Variants in CARD18 observed in about 807,000 individuals in gnomAD.
The protein encoded by CARD18 is caspase recruitment domain-containing protein 18.
CARD18 carries 7 observed loss-of-function variants against 7.9 expected under a neutral mutation model. The observed-to-expected ratio is 0.88, with a 90% CI of 0.50 to 1.66. CARD18 has a LOEUF of 1.66. CARD18 is among the 40% of genes most tolerant of loss of function. CARD18 has a pLI of 0.00. For missense variants in CARD18, 134 were observed against 105.5 expected, an observed-to-expected ratio of 1.27 and a Z score of -1.18; for synonymous variants, 34 against 34.8, an observed-to-expected ratio of 0.98 and a Z score of 0.08.
intron 1 of CARD18, chr11:105,139,459 A>T (rs904299134): frequency 9.0e-6 from 5 of 556,962 alleles, no homozygotes; most frequent in African/African-American, 7.5e-5. Flanking sequence ...CTCATCCTGA[A>T]CTACATAACT....
Position 105,138,533 on chromosome 11 carries a change from A to G in CARD18, c.*1+279T>C, listed in dbSNP as rs1865433963. ...CCAGGACCATTAAAAGATTCAGGAT[A>G]AAACATCTAGGCTCTTTAAATGAAC... On this transcript the variant is annotated intron_variant, in intron 2 of 2. Coordinates refer to ENST00000530950, the MANE Select transcript of CARD18 (RefSeq NM_021571.4). Among the ~76,000 whole-genome samples, 4 of 152,136 alleles carry G rather than the reference A, an allele frequency of 2.6e-5. No individual in the cohort carries two copies. In the South Asian group the frequency reaches 8.3e-4, roughly 32 times the overall value.
intron 1 of CARD18, 121 bp from the exon 2 acceptor site, chr11:105,139,199 G>A: frequency 2.7e-6 from 3 of 1,098,448 alleles, no homozygotes; most frequent in Non-Finnish European, 3.9e-6. Context: ...CCAAGGAACG[G>A]TCTTATACCT....
intron 2 of CARD18, among the ~76,000 whole-genome samples, chr11:105,138,377 A>G (rs549458779): frequency 6.6e-6 from 1 of 152,302 alleles, no homozygotes; most frequent in East Asian, 1.9e-4. Flanking sequence ...ATCATTGTAT[A>G]TTCTGAAAAG....
chr11:105,139,284 G>A, intron 1 of CARD18: 1 of 580,138 alleles, frequency 1.7e-6, no homozygotes, highest in African/African-American at 1.9e-5. Context: ...TGGGAAACTT[G>A]ACTTCATGAT....
chr11:105,138,986 C>A lies in CARD18; in HGVS notation c.100G>T (p.Val34Phe). The change falls in exon 2 of 3, where the codon GTT becomes TTT. Residue 34 changes from valine (V) to phenylalanine (F), a missense_variant. Transcript: ENST00000530950. ...ALLDCLLEDE[V>F]ISQEDMNKVR... Reference sequence around the variant, plus strand: ...TTGTTCATGTCTTCCTGGCTAATAACTTCATCCTCTAATAGGCAATCCAGC... The same window carrying A: ...TTGTTCATGTCTTCCTGGCTAATAAATTCATCCTCTAATAGGCAATCCAGC... 6.2e-7 allele frequency: 1 copy of A among 1,613,640 alleles called. No homozygotes were observed. Among genetic ancestry groups the A allele is most frequent in the Non-Finnish European group, 8.5e-7 (1 of 1,179,704 alleles).
rs149496153 is a variant in CARD18 at position 105,138,862 on chromosome 11, T to C, written c.224A>G (p.His75Arg). Residue 75 changes from histidine (H) to arginine (R), a missense_variant, in exon 2 of 3, where the codon CAT (histidine) becomes CGT (arginine). Coordinates refer to ENST00000530950, the MANE Select transcript of CARD18 (RefSeq NM_021571.4). ...AAGTTGAGGGTCTTCTTCACAGAGATGCTTGATAAATTTGCAGCAAGACTT... is the reference window on the plus strand; with the variant it reads ...AAGTTGAGGGTCTTCTTCACAGAGACGCTTGATAAATTTGCAGCAAGACTT... ...GPKSCCKFIK[H>R]LCEEDPQLAS... The C allele has an allele frequency of 1.4e-3, 2,213 of 1,613,696 alleles. 27 individuals are homozygous for C. The African/African-American group carries it at 0.024, about 18-fold the overall frequency.
chr11:105,138,287 T>C (rs1216079098), intron 2 of CARD18, among the ~76,000 whole-genome samples, 189 bp from the exon 3 acceptor site: 1 of 152,210 alleles, frequency 6.6e-6, no homozygotes, highest in Non-Finnish European at 1.5e-5. Flanking sequence ...AGAATCCATA[T>C]ATAATTTCAT....
At chr11:105,139,566 A>T in intron 1 of CARD18, 154 bp downstream of exon 1, 1 of 725,446 alleles carries the variant, frequency 1.4e-6, no homozygotes, top group Non-Finnish European at 2.3e-6. Flanking sequence ...ACGCTGTGCA[A>T]GTCTGGGCAT....
Position 105,138,798 on chromosome 11 carries a change from T to A in CARD18, c.*1+14A>T. 1 of 1,612,302 alleles carries A rather than the reference T, an allele frequency of 6.2e-7. No individual in the cohort carries two copies. Among genetic ancestry groups the A allele is most frequent in the Non-Finnish European group, 8.5e-7 (1 of 1,178,830 alleles). On this transcript the variant is annotated intron_variant, in intron 2 of 2. Coordinates refer to ENST00000530950, the MANE Select transcript of CARD18 (RefSeq NM_021571.4). ...GGGCCTATTTGGACATTAGGTTGAA[T>A]CATTCCACCTTACCTTAGTGCAAAC...
intron 2 of CARD18, 103 bp downstream of exon 2, chr11:105,138,709 G>A (rs1865435978): frequency 1.5e-6 from 2 of 1,295,444 alleles, no homozygotes; most frequent in Admixed American, 3.9e-5. Flanking sequence ...AGGCTAAAAT[G>A]ATAGGAACCC....
At chr11:105,138,771 C>T (rs755352894) in intron 2 of CARD18, 41 bp downstream of exon 2, 2 of 1,599,982 alleles carry the variant, frequency 1.3e-6, no homozygotes, top group South Asian at 2.2e-5. Context: ...ATTCAAGATA[C>T]AGGGCCTATT....
Position 105,138,856 on chromosome 11 carries a change from CA to C in CARD18, c.229del (p.Cys77ValfsTer39), listed in dbSNP as rs1318556228. 4 of 1,613,560 alleles carry C rather than the reference CA, an allele frequency of 2.5e-6. No individual in the cohort carries two copies. ...KSCCKFIKHL[C>X]EEDPQLASKM... ...TGAGGCAAGTTGAGGGTCTTCTTCA[CA>C]GAGATGCTTGATAAATTTGCAGCAA... On this transcript the variant is annotated frameshift_variant, in exon 2 of 3. Transcript: ENST00000530950. LOFTEE classifies it high-confidence loss of function.
rs1241291326 is a variant in CARD18 at position 105,138,941 on chromosome 11, T to C, written c.145A>G (p.Thr49Ala). ...AAGACTCGAGCCTTATCCATGACAGTGTCATTTTCATCTCTCACTTTGTTC... is the reference window on the plus strand; with the variant it reads ...AAGACTCGAGCCTTATCCATGACAGCGTCATTTTCATCTCTCACTTTGTTC... Reference protein sequence around the residue: ...DMNKVRDENDTVMDKARVLID... With the variant: ...DMNKVRDENDAVMDKARVLID... Residue 49 changes from threonine (T) to alanine (A), a missense_variant, in exon 2 of 3, where the codon ACT becomes GCT. Physicochemically the swap from Thr to Ala is moderately conservative, Grantham distance 58. Coordinates refer to ENST00000530950, the MANE Select transcript of CARD18 (RefSeq NM_021571.4). 2 of 1,613,764 alleles carry C rather than the reference T, an allele frequency of 1.2e-6. No individual in the cohort carries two copies. Among genetic ancestry groups the C allele is most frequent in the Admixed American group, 1.7e-5 (1 of 59,992 alleles).
At position 105,139,713 on chromosome 11, in the gene CARD18, G is replaced by T; in HGVS notation, c.7+7C>A. 1 of 1,598,888 alleles carries T rather than the reference G, an allele frequency of 6.3e-7. No homozygotes were observed. Among genetic ancestry groups the T allele is most frequent in the East Asian group, 2.2e-5 (1 of 44,870 alleles). ...TAAGACCTATCCTCTTACTGGGGAA[G>T]ACTCACCAGCCATGGCTCCTCACGT... On this transcript the variant is annotated splice_region_variant and intron_variant, in intron 1 of 2. Transcript: ENST00000530950.
At chr11:105,139,310 C>T (rs1305039082) in intron 1 of CARD18, 1 of 564,708 alleles carries the variant, frequency 1.8e-6, no homozygotes, top group Non-Finnish European at 3.1e-6. Flanking sequence ...TGTGAATCTC[C>T]TAAAAATCAG....
chr11:105,139,720 C>G lies in CARD18; in HGVS notation c.7G>C (p.Asp3His). MA[D>H]QLLRKKRRIF... ...TATCCTCTTACTGGGGAAGACTCAC[C>G]AGCCATGGCTCCTCACGTTGGCACT... Residue 3 changes from aspartate to histidine, a missense_variant and splice_region_variant, in exon 1 of 3, where the codon GAC becomes CAC. By Grantham distance (81) the Asp-to-His change is moderately conservative (BLOSUM62 -1). Coordinates refer to ENST00000530950, the MANE Select transcript of CARD18 (RefSeq NM_021571.4). 1 of 1,598,944 alleles carries G rather than the reference C, an allele frequency of 6.3e-7. No individual in the cohort carries two copies. The highest frequency in any genetic ancestry group is 2.2e-5 in the East Asian group (1 of 44,854).
intron 2 of CARD18, 144 bp downstream of exon 2, chr11:105,138,668 G>T: frequency 1.1e-6 from 1 of 893,554 alleles, no homozygotes; most frequent in Non-Finnish European, 1.8e-6. Context: ...AGAGACATAA[G>T]CTAGAGCCAT....
chr11:105,139,364 G>A (rs372691031), intron 1 of CARD18: 2 of 532,048 alleles, frequency 3.8e-6, no homozygotes, highest in African/African-American at 1.9e-5. Flanking sequence ...GAATTTTGAA[G>A]GGAATTGACA....
In CARD18 at chr11:105,139,029, T is replaced by A; in HGVS notation, c.57A>T (p.Ala19=). Residue 19 remains alanine (A), a synonymous_variant, in exon 2 of 3, where the codon GCA becomes GCT. Transcript: ENST00000530950. ...KRRIFIHSVG[A]GTINALLDCL... is the part of the protein sequence containing the mutation. Reference sequence around the variant, plus strand: ...AATCCAGCAAGGCATTTATTGTGCCTGCACCCACTGAATGGATAAAAATTC... The same window carrying A: ...AATCCAGCAAGGCATTTATTGTGCCAGCACCCACTGAATGGATAAAAATTC... The A allele has an allele frequency of 6.2e-7, 1 of 1,613,614 alleles. No homozygotes were observed.
Sources: allele counts gnomAD v4.1 joint callset (sites outside exome capture counted in the v4.1 genomes callset), GRCh38; gene constraint gnomAD v4.1.1; transcripts MANE v1.5; gene names NCBI Gene and HGNC (gene_info 2026-07-23, HGNC 2026-07-21).